The following MEIOC variants were observed in gnomAD, a reference collection of about 807,000 sequenced individuals.
MEIOC encodes meiosis specific with coiled-coil domain.
MEIOC carries 9 observed loss-of-function variants against 85.3 expected under a neutral mutation model. The ratio of observed to expected loss-of-function variants is 0.11; its 90% CI spans 0.06 to 0.18. The LOEUF is 0.18. MEIOC is among the 10% of genes least tolerant of loss of function. The pLI, the probability that MEIOC is intolerant of heterozygous loss-of-function variation, is 1.00. For synonymous variants in MEIOC, 365 were observed against 393.7 expected, an observed-to-expected ratio of 0.93 and a Z score of 0.86; for missense variants, 898 against 1,129.4, an observed-to-expected ratio of 0.80 and a Z score of 2.94.
In MEIOC at chr17:44,675,073, T is replaced by C. The variant is rs1470282468; in HGVS notation, c.*877T>C. On this transcript the variant is annotated 3_prime_UTR_variant, in exon 8 of 8. Transcript: ENST00000409122. Reference sequence around the variant, plus strand: ...ATGAGGGTGTCACGAAGTTCTAAAATGTATTTTTTTAAAGGTTAATCTCTA... The same window carrying C: ...ATGAGGGTGTCACGAAGTTCTAAAACGTATTTTTTTAAAGGTTAATCTCTA... 2.0e-6 allele frequency: 2 copies of C among 984,858 alleles called. No homozygotes were observed. Among genetic ancestry groups the C allele is most frequent in the African/African-American group, 3.5e-5 (2 of 57,244 alleles). 61.0% of individuals were successfully genotyped at this position (984,858 alleles called of 1,614,324 possible).
At chr17:44,660,595 G>T (rs1971830000) in intron 2 of MEIOC, among the ~76,000 whole-genome samples, 1 of 151,854 alleles carries the variant, frequency 6.6e-6, no homozygotes, top group Non-Finnish European at 1.5e-5. Context: ...TTTATGTCTG[G>T]GTATTTATAG....
Position 44,669,474 on chromosome 17 carries a change from G to A in MEIOC, c.2414G>A (p.Arg805Lys). 6.4e-7 allele frequency: 1 copy of A among 1,556,708 alleles called. No individual in the cohort carries two copies. Among genetic ancestry groups the A allele is most frequent in the African/African-American group, 1.4e-5 (1 of 73,368 alleles). ...PVPRLTSNPS[R>K]VDRLIVDELR... ...CCAAGGCTGACTTCCAACCCATCTA[G>A]AGTTGATCGCTTAATTGTGGATGAA... The change falls in exon 6 of 8, where the codon AGA becomes AAA. Residue 805 changes from arginine (R) to lysine (K), a missense_variant. This residue lies in a region of MEIOC where 164 missense variants were observed against 269.2 expected (regional missense o/e 0.61). Coordinates refer to ENST00000409122, the MANE Select transcript of MEIOC (RefSeq NM_001145080.3).
intron 3 of MEIOC, among the ~76,000 whole-genome samples, chr17:44,662,778 A>G (rs1159203421): frequency 6.6e-6 from 1 of 152,196 alleles, no homozygotes; most frequent in Admixed American, 6.5e-5. Flanking sequence ...CAGCCTCCAC[A>G]GTAGCTGGGA....
intron 6 of MEIOC, among the ~76,000 whole-genome samples, chr17:44,671,717 T>C (rs1263147831): frequency 2.0e-5 from 3 of 151,856 alleles, no homozygotes; most frequent in South Asian, 2.1e-4. Flanking sequence ...CCATCCTGGC[T>C]AACACGGTGA....
Position 44,656,681 on chromosome 17 carries a change from A to G in MEIOC, c.68A>G (p.Glu23Gly). 6.7e-7 allele frequency: 1 copy of G among 1,489,930 alleles called. No homozygotes were observed. Among genetic ancestry groups the G allele is most frequent in the Non-Finnish European group, 8.9e-7 (1 of 1,120,280 alleles). 92.3% of individuals were successfully genotyped at this position (1,489,930 alleles called of 1,614,324 possible). A position where few individuals can be genotyped will look rare whatever the true frequency, so the allele number is the denominator to read the frequency against. ...TCAGGCCTGAGGGAGGAAGGACTTG[A>G]GGTAATGGATGAGGAAGGGCAGGGT... ...HPSGLREEGL[E>G]PKVAFPGGAN... The change falls in exon 1 of 8, where the codon GAG (glutamate) becomes GGG (glycine). Residue 23 changes from glutamate (E) to glycine (G), a missense_variant and splice_region_variant. Physicochemically the swap from Glu to Gly is moderately conservative, Grantham distance 98. This residue lies in a region of MEIOC where 734 missense variants were observed against 860.1 expected (regional missense o/e 0.85). Coordinates refer to ENST00000409122, the MANE Select transcript of MEIOC (RefSeq NM_001145080.3).
At position 44,657,278 on chromosome 17, in the gene MEIOC, T is replaced by C; in HGVS notation, c.204+17T>C. ...ACATCGCAGGTCCTTTAGTAAACTC[T>C]GCCTCTGTTAGACGATTTATTCTCA... On this transcript the variant is annotated intron_variant, in intron 2 of 7. Coordinates refer to ENST00000409122, the MANE Select transcript of MEIOC (RefSeq NM_001145080.3). The C allele has an allele frequency of 6.5e-7, 1 of 1,548,092 alleles. No homozygotes were observed. The highest frequency in any genetic ancestry group is 1.2e-5 in the South Asian group (1 of 83,898).
At chr17:44,668,534 G>A (rs1434072405) in intron 5 of MEIOC, among the ~76,000 whole-genome samples, 3 of 152,102 alleles carry the variant, frequency 2.0e-5, no homozygotes, top group African/African-American at 7.2e-5. Flanking sequence ...GTTTCACTAT[G>A]TTCCCCACGG....
intron 6 of MEIOC, chr17:44,671,156 T>C (rs528553517): frequency 6.6e-6 from 1 of 152,010 alleles, no homozygotes; most frequent in African/African-American, 2.4e-5. Context: ...AATTTATCCA[T>C]GGTACATTCA....
intron 2 of MEIOC, among the ~76,000 whole-genome samples, chr17:44,658,408 G>T (rs1301197370): frequency 6.6e-6 from 1 of 151,688 alleles, no homozygotes; most frequent in African/African-American, 2.4e-5. Flanking sequence ...GCTCGCCTCA[G>T]CCTCCCAAAG....
chr17:44,656,981 TG>T, intron 1 of MEIOC, 145 bp from the exon 2 acceptor site: 2 of 976,088 alleles, frequency 2.0e-6, no homozygotes, highest in Non-Finnish European at 2.9e-6. Flanking sequence ...ATCCCGAGGC[TG>T]GAAGCGCGGG....
chr17:44,668,086 G>C lies in MEIOC; in HGVS notation c.2175G>C (p.Met725Ile). ...LSHLYPYFNM[M>I]YGDNSFSGLM... is the part of the protein sequence containing the mutation. ...ATTTGTACCCTTATTTTAATATGAT[G>C]TATGGTGATAATTCTTTTTCTGGTC... The change falls in exon 5 of 8, where the codon ATG becomes ATC. Residue 725 changes from methionine (M) to isoleucine (I), a missense_variant. By Grantham distance (10) the Met-to-Ile change is conservative (BLOSUM62 1). Around this residue, in one of 2 missense-constraint regions of MEIOC, gnomAD observed 734 missense variants for 860.1 expected, o/e 0.85. Transcript: ENST00000409122. The C allele has an allele frequency of 6.2e-7, 1 of 1,613,552 alleles. No homozygotes were observed.
chr17:44,656,701 C>T lies in MEIOC; in HGVS notation c.69+19C>T, dbSNP rs1292913827. 3 of 1,485,452 alleles carry T rather than the reference C, an allele frequency of 2.0e-6. No homozygotes were observed. The highest frequency in any genetic ancestry group is 2.7e-6 in the Non-Finnish European group (3 of 1,117,326). The allele number at this position is 1,485,452 out of a possible 1,614,324, so 92.0% of individuals were successfully genotyped here. ...ACTTGAGGTAATGGATGAGGAAGGG[C>T]AGGGTCCAGGGGGCGGCCAGACTTG... On this transcript the variant is annotated intron_variant, in intron 1 of 7. Transcript: ENST00000409122.
chr17:44,670,113 A>G (rs552210666), intron 6 of MEIOC: 2 of 152,228 alleles, frequency 1.3e-5, no homozygotes, highest in East Asian at 3.9e-4. Context: ...TCTACTAAAA[A>G]TTAAAAATTA....
At chr17:44,672,496 C>T (rs994617716) in intron 6 of MEIOC, among the ~76,000 whole-genome samples, 7 of 152,108 alleles carry the variant, frequency 4.6e-5, no homozygotes, top group Admixed American at 2.0e-4. Flanking sequence ...AACATTAATT[C>T]CAGTGCCATT....
intron 2 of MEIOC, among the ~76,000 whole-genome samples, chr17:44,659,350 G>A (rs548155380): frequency 1.2e-4 from 18 of 152,156 alleles, no homozygotes; most frequent in Admixed American, 6.5e-4. Flanking sequence ...GTTTACATCC[G>A]GACTAAAATT....
chr17:44,656,902 G>A (rs943512962), intron 1 of MEIOC, among the ~76,000 whole-genome samples: 1 of 150,390 alleles, frequency 6.6e-6, no homozygotes, highest in African/African-American at 2.4e-5. Flanking sequence ...CAGCCGTCGC[G>A]CTGAGGCGGT....
chr17:44,663,689 C>T (rs902372866), intron 3 of MEIOC, among the ~76,000 whole-genome samples: 1 of 152,088 alleles, frequency 6.6e-6, no homozygotes, highest in African/African-American at 2.4e-5. Context: ...CACCCAATAA[C>T]AGCTGCTAGC....
chr17:44,664,456 A>G (rs1971880650), intron 3 of MEIOC, among the ~76,000 whole-genome samples: 5 of 152,198 alleles, frequency 3.3e-5, no homozygotes, highest in Admixed American at 3.3e-4. Context: ...AGACTGATCC[A>G]AAATCCAAAA....
At position 44,666,754 on chromosome 17, in the gene MEIOC, A is replaced by C. The variant is rs754561497; in HGVS notation, c.843A>C (p.Lys281Asn). The C allele has an allele frequency of 1.2e-6, 2 of 1,613,612 alleles. No individual in the cohort carries two copies. Among genetic ancestry groups the C allele is most frequent in the Non-Finnish European group, 1.7e-6 (2 of 1,179,798 alleles). Residue 281 changes from lysine to asparagine, a missense_variant, in exon 5 of 8, where the codon AAA becomes AAC. Around this residue, in one of 2 missense-constraint regions of MEIOC, gnomAD observed 734 missense variants for 860.1 expected, o/e 0.85. Transcript: ENST00000409122. ...AAACTGGTCTGTCTGATATCATGAA[A>C]GAATCAGGAGTTGATATCTACCATT... ...TPQTGLSDIMKESGVDIYHYG... is the reference protein window; with the variant it reads ...TPQTGLSDIMNESGVDIYHYG...
Sources: gnomAD v4.1 joint callset for allele counts (sites outside exome capture counted in the v4.1 genomes callset) on GRCh38, gnomAD v4.1.1 for gene constraint, gnomAD v4.1.1 regional missense constraint, MANE v1.5 for transcripts, NCBI Gene and HGNC (gene_info 2026-07-23, HGNC 2026-07-21) for gene names.